Variants in TENM1 observed in about 807,000 individuals in gnomAD.
TENM1 encodes teneurin-1.
Under a neutral mutation model 174.8 loss-of-function variants are expected in TENM1, and 35 were observed. The ratio of observed to expected loss-of-function variants is 0.20; its 90% confidence interval spans 0.15 to 0.27. The LOEUF (loss-of-function observed/expected upper bound fraction) is 0.27. Among genes scored for constraint, TENM1 ranks in the 10% least tolerant of loss-of-function variants. The pLI is 1.00. For missense variants in TENM1, 1,633 were observed against 2,130.1 expected, an observed-to-expected ratio of 0.77 and a Z score of 4.59; for synonymous variants, 781 against 798.7, an observed-to-expected ratio of 0.98 and a Z score of 0.37.
chrX:125,027,820 T>C, the TENM1 span, among the ~76,000 whole-genome samples: 2 of 110,547 alleles, frequency 1.8e-5, no homozygotes. Context: ...ATACATTATA[T>C]GGACAGGGAA....
intron 5 of TENM1, among the ~76,000 whole-genome samples, chrX:124,701,940 G>A (rs2052785526): frequency 9.0e-6 from 1 of 111,429 alleles, no homozygotes; most frequent in African/African-American, 3.3e-5. Flanking sequence ...GTGGATTGAG[G>A]GCAGCACAGC....
intron 18 of TENM1, among the ~76,000 whole-genome samples, chrX:124,507,231 G>A (rs902113836): frequency 9.0e-6 from 1 of 111,607 alleles, no homozygotes; most frequent in African/African-American, 3.3e-5. Context: ...TTAGCATAAT[G>A]GGTTCGTGCT....
intron 5 of TENM1, among the ~76,000 whole-genome samples, chrX:124,672,650 C>A (rs1335081428): frequency 3.6e-5 from 4 of 111,751 alleles, no homozygotes; most frequent in Non-Finnish European, 7.5e-5. Flanking sequence ...CATCTGAAAA[C>A]AATATTAGAA....
intron 11 of TENM1, among the ~76,000 whole-genome samples, chrX:124,606,556 T>A (rs770212712): frequency 3.6e-5 from 4 of 111,489 alleles, no homozygotes; most frequent in Non-Finnish European, 5.7e-5. Flanking sequence ...GGAAACAAGA[T>A]GGTTAGATAC....
chrX:125,160,364 A>G, the TENM1 span, among the ~76,000 whole-genome samples: 2 of 98,690 alleles, frequency 2.0e-5, no homozygotes, highest in Admixed American at 2.2e-4. Flanking sequence ...TCTCTACTGA[A>G]AAAAAAAAAA....
At chrX:125,045,906 T>C in the TENM1 span, among the ~76,000 whole-genome samples, 1 of 111,948 alleles carries the variant, frequency 8.9e-6, no homozygotes, top group African/African-American at 3.2e-5. Context: ...CTACATACAC[T>C]TCAGTACACC....
At chrX:125,153,980 T>G in the TENM1 span, among the ~76,000 whole-genome samples, 3 of 112,717 alleles carry the variant, frequency 2.7e-5, no homozygotes, top group South Asian at 7.4e-4. Flanking sequence ...AGTCATCTTT[T>G]TAAGCATTAG....
intron 11 of TENM1, among the ~76,000 whole-genome samples, chrX:124,589,352 TTTGTTGTTG>T (rs200125468): frequency 1.3e-3 from 137 of 104,758 alleles, no homozygotes; most frequent in Non-Finnish European, 1.8e-3. Context: ...TGGCCTGTAG[TTTGTTGTTG>T]TTGTTGTTGT....
At chrX:124,592,720 G>C (rs1370694105) in intron 11 of TENM1, among the ~76,000 whole-genome samples, 1 of 108,710 alleles carries the variant, frequency 9.2e-6, no homozygotes, top group Non-Finnish European at 1.9e-5. Context: ...AAAGTGCTGG[G>C]ATTATAGGCG....
At chrX:124,621,065 A>C (rs1267645206) in intron 11 of TENM1, among the ~76,000 whole-genome samples, 1 of 112,308 alleles carries the variant, frequency 8.9e-6, no homozygotes, top group Non-Finnish European at 1.9e-5. Context: ...GTAATAGAGA[A>C]ATCTAGACAC....
chrX:124,543,446 T>C (rs2048363970), intron 15 of TENM1, among the ~76,000 whole-genome samples: 1 of 112,013 alleles, frequency 8.9e-6, no homozygotes. Context: ...GGTAAGATTT[T>C]GTTTTTTTAA....
intron 9 of TENM1, among the ~76,000 whole-genome samples, chrX:124,646,462 A>G (rs2051161196): frequency 8.9e-6 from 1 of 112,136 alleles, no homozygotes; most frequent in Non-Finnish European, 1.9e-5. Context: ...TGCCCATAAA[A>G]ATTGGATAAT....
chrX:125,154,635 T>C, the TENM1 span, among the ~76,000 whole-genome samples: 1 of 111,523 alleles, frequency 9.0e-6, no homozygotes, highest in Non-Finnish European at 1.9e-5. Context: ...TCTCACTGAC[T>C]TCAAGAATGA....
the TENM1 span, among the ~76,000 whole-genome samples, chrX:125,191,276 AT>A: frequency 2.7e-5 from 3 of 112,040 alleles, no homozygotes; most frequent in Admixed American, 9.5e-5. Flanking sequence ...TTAGTCATTC[AT>A]TTACTCAACC....
intron 3 of TENM1, among the ~76,000 whole-genome samples, chrX:124,845,330 G>A (rs763183352): frequency 3.6e-5 from 4 of 110,841 alleles, no homozygotes; most frequent in African/African-American, 6.6e-5. Context: ...TTAAAATCCC[G>A]ACTTTGATTC....
chrX:124,794,872 T>A (rs1399206212), intron 3 of TENM1, among the ~76,000 whole-genome samples: 1 of 111,271 alleles, frequency 9.0e-6, no homozygotes, highest in Non-Finnish European at 1.9e-5. Flanking sequence ...GATGGGGTCA[T>A]CTTCTTCCAC....
chrX:124,701,631 A>G (rs2052776940), intron 5 of TENM1, among the ~76,000 whole-genome samples: 1 of 112,537 alleles, frequency 8.9e-6, no homozygotes, highest in Admixed American at 9.5e-5. Context: ...GATGGAAAAT[A>G]TTACAGATTT....
intron 1 of TENM1, among the ~76,000 whole-genome samples, chrX:124,960,706 T>A (rs1343118430): frequency 3.6e-5 from 4 of 111,632 alleles, no homozygotes; most frequent in Non-Finnish European, 7.5e-5. Flanking sequence ...GCATTCTTAT[T>A]TCTACTCACA....
intron 19 of TENM1, among the ~76,000 whole-genome samples, chrX:124,501,695 ACTGT>A (rs898646639): frequency 9.5e-4 from 106 of 111,734 alleles, no homozygotes; most frequent in African/African-American, 3.2e-3. Flanking sequence ...GTCAGAAAAG[ACTGT>A]CTGACCCGAG....
Sources: allele counts gnomAD v4.1 joint callset (sites outside exome capture counted in the v4.1 genomes callset), GRCh38; gene constraint gnomAD v4.1.1; transcripts MANE v1.5; gene names NCBI Gene and HGNC (gene_info 2026-07-23, HGNC 2026-07-21).